ADIPOR2: variants seen among roughly 807,000 people sequenced by gnomAD.
ADIPOR2 encodes adiponectin receptor 2.
ADIPOR2 carries 18 observed loss-of-function variants against 40.9 expected under a neutral mutation model. The ratio of observed to expected loss-of-function variants is 0.44; its 90% CI spans 0.30 to 0.65. ADIPOR2 has a LOEUF of 0.65. Among genes scored for constraint, ADIPOR2 ranks in the 30% least tolerant of loss-of-function variants. The pLI is 0.09. For missense variants in ADIPOR2, 283 were observed against 479.2 expected, an observed-to-expected ratio of 0.59 and a Z score of 3.82; for synonymous variants, 165 against 166.4, an observed-to-expected ratio of 0.99 and a Z score of 0.06.
intron 1 of ADIPOR2, among the ~76,000 whole-genome samples, chr12:1,715,946 CCAG>C (rs1361245311): frequency 6.6e-6 from 1 of 152,072 alleles, no homozygotes; most frequent in African/African-American, 2.4e-5. Flanking sequence ...GCTGGCCACC[CCAG>C]CCAGCAGCGG....
At position 1,709,412 on chromosome 12, in the gene ADIPOR2, A is replaced by G. The variant is rs574188470; in HGVS notation, c.-87+18221A>G. ...TTTCCAATTTGGTGCTAGTATGTAGATTACAATTGATTGGTGGTCTGTCTA... is the reference window on the plus strand; with the variant it reads ...TTTCCAATTTGGTGCTAGTATGTAGGTTACAATTGATTGGTGGTCTGTCTA... On this transcript the variant is annotated intron_variant, in intron 1 of 7. Transcript: ENST00000357103. Among the ~76,000 whole-genome samples, 5 of 152,276 alleles carry G rather than the reference A, an allele frequency of 3.3e-5. No homozygotes were observed. The East Asian group carries it at 9.6e-4, about 29-fold the overall frequency.
intron 1 of ADIPOR2, among the ~76,000 whole-genome samples, chr12:1,692,691 T>C (rs1241000497): frequency 6.6e-6 from 1 of 151,948 alleles, no homozygotes; most frequent in African/African-American, 2.4e-5. Context: ...TATAAATAAA[T>C]GGTTTTTTCT....
intron 1 of ADIPOR2, among the ~76,000 whole-genome samples, chr12:1,732,072 C>T (rs1432459242): frequency 6.6e-6 from 1 of 151,848 alleles, no homozygotes; most frequent in Admixed American, 6.6e-5. Flanking sequence ...AACTAGAGTT[C>T]CCATATATCT....
rs1175258962 is a variant in ADIPOR2 at position 1,695,502 on chromosome 12, T to TA, written c.-87+4311_-87+4312insA. ...AAACCCCCTCTCTACCAAAAATATA[T>TA]TAAAAAAAAAATTATCTGGGTATGG... is the stretch of plus-strand genomic sequence containing the variant. On this transcript the variant is annotated intron_variant, in intron 1 of 7. Coordinates refer to ENST00000357103, the MANE Select transcript of ADIPOR2 (RefSeq NM_024551.3). Among the ~76,000 whole-genome samples, 467 of 113,144 alleles carry TA rather than the reference T, an allele frequency of 4.1e-3. 2 individuals carry two copies. Among genetic ancestry groups the TA allele is most frequent in the African/African-American group, 0.011 (399 of 37,220 alleles). 74.2% of individuals were successfully genotyped at this position (113,144 alleles called of 152,430 possible). A position where few individuals can be genotyped will look rare whatever the true frequency, so the allele number is the denominator to read the frequency against.
chr12:1,725,459 T>A (rs1037829187), intron 1 of ADIPOR2, among the ~76,000 whole-genome samples: 1 of 152,114 alleles, frequency 6.6e-6, no homozygotes, highest in East Asian at 1.9e-4. Flanking sequence ...ATAAATCAAT[T>A]CCCTGAAAAA....
chr12:1,730,198 A>G (rs2094716901), intron 1 of ADIPOR2, among the ~76,000 whole-genome samples: 1 of 139,004 alleles, frequency 7.2e-6, no homozygotes, highest in African/African-American at 2.6e-5. Context: ...TCACATAATT[A>G]TAATCACTAT....
chr12:1,777,850 C>G lies in ADIPOR2; in HGVS notation c.292-4C>G. On this transcript the variant is annotated splice_polypyrimidine_tract_variant and splice_region_variant and intron_variant, in intron 3 of 7. Transcript: ENST00000357103. ...AAAGATGTTTGATAATACCTCTCTG[C>G]CAGGTATGGGAAGGTCGGTGGCGAG... is the stretch of plus-strand genomic sequence containing the variant. The G allele has an allele frequency of 6.2e-7, 1 of 1,605,312 alleles. No individual in the cohort carries two copies.
chr12:1,780,869 A>AT lies in ADIPOR2; in HGVS notation c.651-10dup, dbSNP rs745813254. ...GTTTTTAAATTACTGCATTAAATGG[A>AT]TTTTTTTTTTCTGTCATAGACTGGA... On this transcript the variant is annotated intron_variant, in intron 5 of 7. Transcript: ENST00000357103. The AT allele has an allele frequency of 2.3e-3, 3,288 of 1,447,884 alleles. No individual in the cohort carries two copies. The highest frequency in any genetic ancestry group is 5.3e-3 in the South Asian group (396 of 74,636). The allele number at this position is 1,447,884 out of a possible 1,614,324, so 89.7% of individuals were successfully genotyped here. A position where few individuals can be genotyped will look rare whatever the true frequency, so the allele number is the denominator to read the frequency against.
intron 1 of ADIPOR2, among the ~76,000 whole-genome samples, chr12:1,720,174 AG>A (rs1029347116): frequency 6.6e-6 from 1 of 152,240 alleles, no homozygotes; most frequent in African/African-American, 2.4e-5. Flanking sequence ...TGGGGAGGTC[AG>A]GGAAAGACAT....
At chr12:1,695,497 A>G (rs978112183) in intron 1 of ADIPOR2, among the ~76,000 whole-genome samples, 14 of 147,594 alleles carry the variant, frequency 9.5e-5, no homozygotes, top group Admixed American at 7.7e-4. Flanking sequence ...TCTACCAAAA[A>G]TATATTAAAA....
intron 1 of ADIPOR2, among the ~76,000 whole-genome samples, chr12:1,709,963 T>A (rs1414498840): frequency 6.6e-6 from 1 of 152,232 alleles, no homozygotes; most frequent in Non-Finnish European, 1.5e-5. Flanking sequence ...TCTTTGATAG[T>A]ATTTCTGTTC....
At position 1,737,046 on chromosome 12, in the gene ADIPOR2, A is replaced by G. The variant is rs562262885; in HGVS notation, c.-86-17212A>G. 9.2e-5 allele frequency among the ~76,000 whole-genome samples: 14 copies of G among 152,344 alleles called. No homozygotes were observed. In the South Asian group the frequency reaches 2.5e-3, roughly 27 times the overall value. The stretch of plus-strand genomic sequence containing the variant: ...TGAACTTTTCTTCCACTTACCAGCC[A>G]TGAGACTGAGCAACCTGCACAAACT... On this transcript the variant is annotated intron_variant, in intron 1 of 7. Transcript: ENST00000357103.
At chr12:1,758,006 C>T (rs1039593046) in intron 2 of ADIPOR2, 103 of 900,804 alleles carry the variant, frequency 1.1e-4, no homozygotes, top group Non-Finnish European at 1.4e-4. Context: ...TGGGACCACG[C>T]GCCATGGCTG....
intron 1 of ADIPOR2, among the ~76,000 whole-genome samples, chr12:1,745,921 C>T (rs2094753996): frequency 2.0e-5 from 3 of 150,594 alleles, no homozygotes; most frequent in Non-Finnish European, 4.4e-5. Context: ...ACATATGTTA[C>T]ACGAACTTTT....
At chr12:1,691,726 C>T (rs1460971910) in intron 1 of ADIPOR2, among the ~76,000 whole-genome samples, 1 of 152,154 alleles carries the variant, frequency 6.6e-6, no homozygotes, top group African/African-American at 2.4e-5. Flanking sequence ...ACCTGGAGTC[C>T]TGTTTTCCCA....
intron 4 of ADIPOR2, among the ~76,000 whole-genome samples, chr12:1,779,353 C>G (rs1862667227): frequency 6.6e-6 from 1 of 152,172 alleles, no homozygotes. Flanking sequence ...AGGGATGAAG[C>G]ACTGATACAT....
At chr12:1,723,983 T>C (rs2094702841) in intron 1 of ADIPOR2, among the ~76,000 whole-genome samples, 1 of 151,592 alleles carries the variant, frequency 6.6e-6, no homozygotes, top group Admixed American at 6.6e-5. Flanking sequence ...CAAAATGGAA[T>C]CTTTTTTTTT....
At position 1,783,191 on chromosome 12, in the gene ADIPOR2, C is replaced by T. The variant is rs192647007; in HGVS notation, c.839-689C>T. 3.3e-5 allele frequency among the ~76,000 whole-genome samples: 5 copies of T among 151,758 alleles called. No individual in the cohort carries two copies. The East Asian group carries it at 9.8e-4, about 30-fold the overall frequency. The stretch of plus-strand genomic sequence containing the variant: ...CAGGTGATGTGATCATTCATCGCCT[C>T]TCCACCCCAACAACGCCTGCTGCTT... On this transcript the variant is annotated intron_variant, in intron 6 of 7. Coordinates refer to ENST00000357103, the MANE Select transcript of ADIPOR2 (RefSeq NM_024551.3).
chr12:1,780,755 T>TAAA (rs1555172100), intron 5 of ADIPOR2, 118 bp downstream of exon 5: 34 of 1,314,906 alleles, frequency 2.6e-5, no homozygotes, highest in Middle Eastern at 2.8e-4. Context: ...TTTTTTTTTT[T>TAAA]AAAAATTAAA....
Sources: gnomAD v4.1 joint callset for allele counts (sites outside exome capture counted in the v4.1 genomes callset) on GRCh38, gnomAD v4.1.1 for gene constraint, MANE v1.5 for transcripts, NCBI Gene and HGNC (gene_info 2026-07-23, HGNC 2026-07-21) for gene names.